The following PPP1R3G variants were observed in gnomAD, a reference collection of about 807,000 sequenced individuals.
The protein encoded by PPP1R3G is protein phosphatase 1, regulatory (inhibitor) subunit 3G.
Under a neutral mutation model 2.0 loss-of-function variants are expected in PPP1R3G, and 3 were observed. The ratio of observed to expected loss-of-function variants is 1.47; its 90% CI spans 0.67 to 3.81. The LOEUF (loss-of-function observed/expected upper bound fraction) is 3.81, where lower values mean the gene tolerates loss of function less well. Among genes scored for constraint, PPP1R3G ranks in the 30% most tolerant of loss-of-function variants. PPP1R3G has a pLI of 0.02. For missense variants in PPP1R3G, 595 were observed against 517.0 expected (o/e 1.15, Z -1.46); for synonymous variants, 267 against 250.9 (o/e 1.06, Z -0.61).
Position 5,085,676 on chromosome 6 carries a change from A to C in PPP1R3G, c.191A>C (p.Glu64Ala). 6.5e-7 allele frequency: 1 copy of C among 1,548,282 alleles called. No homozygotes were observed. The highest frequency in any genetic ancestry group is 8.7e-7 in the Non-Finnish European group (1 of 1,146,328). Reference sequence around the variant, plus strand: ...GATAGGCCCCTGTCCCCGAAGGAAGAGGCCGCCCCCCAGGAGCAGGAGGAG... The same window carrying C: ...GATAGGCCCCTGTCCCCGAAGGAAGCGGCCGCCCCCCAGGAGCAGGAGGAG... ...LGDRPLSPKE[E>A]AAPQEQEELL... is the part of the protein sequence containing the mutation. The change falls in exon 1 of 1, where the codon GAG becomes GCG. Residue 64 changes from glutamate to alanine, a missense_variant. By Grantham distance (107) the Glu-to-Ala change is moderately radical (BLOSUM62 -1). Transcript: ENST00000405617.
In PPP1R3G at chr6:5,089,098, T is replaced by A. The variant is rs942114331; in HGVS notation, c.*2536T>A. 1.3e-5 allele frequency: 2 copies of A among 152,232 alleles called. No homozygotes were observed. The highest frequency in any genetic ancestry group is 4.8e-5 in the African/African-American group (2 of 41,464). The allele number at this position is 152,232 out of a possible 1,614,324, so 9.4% of individuals were successfully genotyped here. A position where few individuals can be genotyped will look rare whatever the true frequency, so the allele number is the denominator to read the frequency against. ...TTATTGACAGCAAGCCATCAGGAGT[T>A]AACATATTACAATTTAGACTTTTAA... On this transcript the variant is annotated 3_prime_UTR_variant, in exon 1 of 1. Transcript: ENST00000405617.
chr6:5,086,567 G>T lies in PPP1R3G; in HGVS notation c.*5G>T. On this transcript the variant is annotated 3_prime_UTR_variant, in exon 1 of 1. Coordinates refer to ENST00000405617, the MANE Select transcript of PPP1R3G (RefSeq NM_001145115.3). ...CGCCCTGCGGACGCGCTCTGAGCCT[G>T]GAGAGTTTCGAAGAGCCGTGGGGCG... 6.6e-7 allele frequency: 1 copy of T among 1,504,138 alleles called. No homozygotes were observed. The highest frequency in any genetic ancestry group is 8.9e-7 in the Non-Finnish European group (1 of 1,127,820). The allele number at this position is 1,504,138 out of a possible 1,614,324, so 93.2% of individuals were successfully genotyped here. A position where few individuals can be genotyped will look rare whatever the true frequency, so the allele number is the denominator to read the frequency against.
At position 5,085,994 on chromosome 6, in the gene PPP1R3G, G is replaced by T; in HGVS notation, c.509G>T (p.Arg170Leu). Residue 170 changes from arginine to leucine, a missense_variant, in exon 1 of 1, where the codon CGT becomes CTT. Transcript: ENST00000405617. ...VLSRLRSFPM[R>L]AEDLEQLGGL... ...TCGCGCCTCCGAAGCTTCCCTATGC[G>T]TGCCGAGGACCTGGAGCAGCTCGGG... The T allele has an allele frequency of 6.6e-7, 1 of 1,525,108 alleles. No homozygotes were observed. Among genetic ancestry groups the T allele is most frequent in the Non-Finnish European group, 8.8e-7 (1 of 1,142,776 alleles). The allele number at this position is 1,525,108 out of a possible 1,614,324, so 94.5% of individuals were successfully genotyped here.
Position 5,088,511 on chromosome 6 carries a change from G to A in PPP1R3G, c.*1949G>A, listed in dbSNP as rs548846726. ...AATCAGGTTTTACTGGAACACAGCC[G>A]TGCACACTCATTTCTGTCTTCTCTG... On this transcript the variant is annotated 3_prime_UTR_variant, in exon 1 of 1. Transcript: ENST00000405617. 6.6e-6 allele frequency: 1 copy of A among 152,302 alleles called. No individual in the cohort carries two copies. Among genetic ancestry groups the A allele is most frequent in the East Asian group, 1.9e-4 (1 of 5,188 alleles). 9.4% of individuals were successfully genotyped at this position (152,302 alleles called of 1,614,324 possible). A position where few individuals can be genotyped will look rare whatever the true frequency, so the allele number is the denominator to read the frequency against.
chr6:5,085,467 T>A lies in PPP1R3G; in HGVS notation c.-19T>A, dbSNP rs1490037000. 1.3e-6 allele frequency: 2 copies of A among 1,519,764 alleles called. No individual in the cohort carries two copies. The highest frequency in any genetic ancestry group is 4.0e-5 in the Admixed American group (2 of 50,186). 94.1% of individuals were successfully genotyped at this position (1,519,764 alleles called of 1,614,324 possible). On this transcript the variant is annotated 5_prime_UTR_variant, in exon 1 of 1. Coordinates refer to ENST00000405617, the MANE Select transcript of PPP1R3G (RefSeq NM_001145115.3). ...AGGGGCCCGGTTCGGCCCGAGCAAG[T>A]CCAGGGGCGAACGGCGTCATGGAGC...
In PPP1R3G at chr6:5,086,894, C is replaced by G. The variant is rs1471880531; in HGVS notation, c.*332C>G. 1 of 360,916 alleles carries G rather than the reference C, an allele frequency of 2.8e-6. No individual in the cohort carries two copies. Among genetic ancestry groups the G allele is most frequent in the African/African-American group, 2.1e-5 (1 of 47,022 alleles). The allele number at this position is 360,916 out of a possible 1,614,324, so 22.4% of individuals were successfully genotyped here. On this transcript the variant is annotated 3_prime_UTR_variant, in exon 1 of 1. Coordinates refer to ENST00000405617, the MANE Select transcript of PPP1R3G (RefSeq NM_001145115.3). ...AGCAGCTGCCTCCAAGAAAAAGGCTCCCAACTCCCGGGCATGGTTCTAAGG... is the reference window on the plus strand; with the variant it reads ...AGCAGCTGCCTCCAAGAAAAAGGCTGCCAACTCCCGGGCATGGTTCTAAGG...
Position 5,086,124 on chromosome 6 carries a change from G to A in PPP1R3G, c.639G>A (p.Leu213=). 1 of 1,474,336 alleles carries A rather than the reference G, an allele frequency of 6.8e-7. No homozygotes were observed. Among genetic ancestry groups the A allele is most frequent in the Non-Finnish European group, 8.9e-7 (1 of 1,121,670 alleles). 91.3% of individuals were successfully genotyped at this position (1,474,336 alleles called of 1,614,324 possible). A position where few individuals can be genotyped will look rare whatever the true frequency, so the allele number is the denominator to read the frequency against. Residue 213 remains leucine, a synonymous_variant, in exon 1 of 1, where the codon CTG becomes CTA. Transcript: ENST00000405617. ...LPGPSAAAER[L]QRQRVCLERV... ...GGCCGAGCGCCGCGGCCGAGCGTCT[G>A]CAGCGGCAGCGCGTGTGCCTGGAGC...
chr6:5,086,181 G>A lies in PPP1R3G; in HGVS notation c.696G>A (p.Glu232=), dbSNP rs758396724. Residue 232 remains glutamate, a synonymous_variant, in exon 1 of 1, where the codon GAG becomes GAA. Transcript: ENST00000405617. ...RVQCSTASGA[E]VKGSGRVLSC... ...AGTGCTCGACGGCCTCGGGCGCTGA[G>A]GTGAAGGGCTCCGGCCGGGTGCTCA... is the stretch of plus-strand genomic sequence containing the variant. 16 of 1,533,270 alleles carry A rather than the reference G, an allele frequency of 1.0e-5. No homozygotes were observed. The East Asian group carries it at 2.7e-4, about 26-fold the overall frequency. The allele number at this position is 1,533,270 out of a possible 1,614,324, so 95.0% of individuals were successfully genotyped here. A position where few individuals can be genotyped will look rare whatever the true frequency, so the allele number is the denominator to read the frequency against.
chr6:5,088,037 AT>A lies in PPP1R3G; in HGVS notation c.*1477del, dbSNP rs1762089938. On this transcript the variant is annotated 3_prime_UTR_variant, in exon 1 of 1. Transcript: ENST00000405617. ...ATGGGCCAAATTTGGCACACAGCTTATTCTTGTAGGGCCTGTGACCTAAGAA... is the reference window on the plus strand; with the variant it reads ...ATGGGCCAAATTTGGCACACAGCTTATCTTGTAGGGCCTGTGACCTAAGAA... 6.6e-6 allele frequency: 1 copy of A among 152,148 alleles called. No homozygotes were observed. Among genetic ancestry groups the A allele is most frequent in the Admixed American group, 6.5e-5 (1 of 15,284 alleles). The allele number at this position is 152,148 out of a possible 1,614,324, so 9.4% of individuals were successfully genotyped here. A position where few individuals can be genotyped will look rare whatever the true frequency, so the allele number is the denominator to read the frequency against.
In PPP1R3G at chr6:5,085,622, A is replaced by C. The variant is rs1416560446; in HGVS notation, c.137A>C (p.Glu46Ala). 9.7e-6 allele frequency: 15 copies of C among 1,548,106 alleles called. No homozygotes were observed. The highest frequency in any genetic ancestry group is 1.2e-5 in the Non-Finnish European group (14 of 1,146,560). The change falls in exon 1 of 1, where the codon GAG (glutamate) becomes GCG (alanine). Residue 46 changes from glutamate to alanine, a missense_variant. Glu to Ala is a moderately radical substitution (Grantham distance 107, BLOSUM62 -1). Coordinates refer to ENST00000405617, the MANE Select transcript of PPP1R3G (RefSeq NM_001145115.3). Reference sequence around the variant, plus strand: ...GGCGGCGACGGCGGTGGCGCTTCGGAGACCCCGAGTCCTGACGCTCAGCTA... The same window carrying C: ...GGCGGCGACGGCGGTGGCGCTTCGGCGACCCCGAGTCCTGACGCTCAGCTA... ...QGGGDGGGASETPSPDAQLGD... is the reference protein window; with the variant it reads ...QGGGDGGGASATPSPDAQLGD...
rs1159446430 is a variant in PPP1R3G, at chr6:5,085,489, G to A, written c.4G>A (p.Glu2Lys). The change falls in exon 1 of 1, where the codon GAG (glutamate) becomes AAG (lysine). Residue 2 changes from glutamate (E) to lysine (K), a missense_variant. Glu to Lys is a moderately conservative substitution (Grantham distance 56, BLOSUM62 1). Coordinates refer to ENST00000405617, the MANE Select transcript of PPP1R3G (RefSeq NM_001145115.3). ...AAGTCCAGGGGCGAACGGCGTCATGGAGCCCATAGGGGCGCGGCTAAGTTT... is the reference window on the plus strand; with the variant it reads ...AAGTCCAGGGGCGAACGGCGTCATGAAGCCCATAGGGGCGCGGCTAAGTTT... M[E>K]PIGARLSLEA... is the part of the protein sequence containing the mutation. 2.0e-6 allele frequency: 3 copies of A among 1,533,876 alleles called. No homozygotes were observed. In the African/African-American group the frequency reaches 4.1e-5, roughly 21 times the overall value.
rs1030961398 is a variant in PPP1R3G, at chr6:5,086,054, T to A, written c.569T>A (p.Leu190His). ...LLAAAAVAAP[L>H]SAPPSRLRPL... Reference sequence around the variant, plus strand: ...GCCGCGGCGGCAGTGGCCGCGCCCCTTTCAGCGCCGCCTTCCCGGCTCCGG... The same window carrying A: ...GCCGCGGCGGCAGTGGCCGCGCCCCATTCAGCGCCGCCTTCCCGGCTCCGG... The change falls in exon 1 of 1, where the codon CTT becomes CAT. Residue 190 changes from leucine to histidine, a missense_variant. Leu to His is a moderately conservative substitution (Grantham distance 99, BLOSUM62 -3). Coordinates refer to ENST00000405617, the MANE Select transcript of PPP1R3G (RefSeq NM_001145115.3). 3.6e-5 allele frequency: 53 copies of A among 1,478,916 alleles called. No individual in the cohort carries two copies. The highest frequency in any genetic ancestry group is 1.6e-4 in the Admixed American group (7 of 42,778). 91.6% of individuals were successfully genotyped at this position (1,478,916 alleles called of 1,614,324 possible). A position where few individuals can be genotyped will look rare whatever the true frequency, so the allele number is the denominator to read the frequency against.
chr6:5,086,328 T>C lies in PPP1R3G; in HGVS notation c.843T>C (p.Ser281=). 6.5e-7 allele frequency: 1 copy of C among 1,535,728 alleles called. No homozygotes were observed. The highest frequency in any genetic ancestry group is 2.4e-5 in the East Asian group (1 of 40,894). Residue 281 remains serine, a synonymous_variant, in exon 1 of 1, where the codon TCT becomes TCC. Transcript: ENST00000405617. ...AGCCACAGCAGCCAGAGGCACCGTCTGGGGCCTCCGAGCCAGGGTCCGGGG... is the reference window on the plus strand; with the variant it reads ...AGCCACAGCAGCCAGAGGCACCGTCCGGGGCCTCCGAGCCAGGGTCCGGGG... ...PLEPQQPEAP[S]GASEPGSGDA... is the part of the protein sequence containing the mutation.
chr6:5,086,153 T>C lies in PPP1R3G; in HGVS notation c.668T>C (p.Val223Ala). 2 of 1,521,064 alleles carry C rather than the reference T, an allele frequency of 1.3e-6. No homozygotes were observed. Among genetic ancestry groups the C allele is most frequent in the South Asian group, 1.2e-5 (1 of 82,398 alleles). The allele number at this position is 1,521,064 out of a possible 1,614,324, so 94.2% of individuals were successfully genotyped here. Residue 223 changes from valine (V) to alanine (A), a missense_variant, in exon 1 of 1, where the codon GTG (valine) becomes GCG (alanine). Val to Ala is a moderately conservative substitution (Grantham distance 64). Coordinates refer to ENST00000405617, the MANE Select transcript of PPP1R3G (RefSeq NM_001145115.3). ...LQRQRVCLERVQCSTASGAEV... is the reference protein window; with the variant it reads ...LQRQRVCLERAQCSTASGAEV... ...CGGCAGCGCGTGTGCCTGGAGCGCG[T>C]GCAGTGCTCGACGGCCTCGGGCGCT... is the stretch of plus-strand genomic sequence containing the variant.
Position 5,085,753 on chromosome 6 carries a change from G to A in PPP1R3G, c.268G>A (p.Asp90Asn). Reference sequence around the variant, plus strand: ...CGCGCGCTCCTTTTCCTTGCCCGCCGACCCCATCTTGCAGGCGGCCAAGTT... The same window carrying A: ...CGCGCGCTCCTTTTCCTTGCCCGCCAACCCCATCTTGCAGGCGGCCAAGTT... The part of the protein sequence containing the change: ...CRARSFSLPA[D>N]PILQAAKFLQ... The change falls in exon 1 of 1, where the codon GAC (aspartate) becomes AAC (asparagine). Residue 90 changes from aspartate to asparagine, a missense_variant. By Grantham distance (23) the Asp-to-Asn change is conservative. Coordinates refer to ENST00000405617, the MANE Select transcript of PPP1R3G (RefSeq NM_001145115.3). 13 of 1,537,830 alleles carry A rather than the reference G, an allele frequency of 8.5e-6. No homozygotes were observed. Among genetic ancestry groups the A allele is most frequent in the Non-Finnish European group, 1.1e-5 (13 of 1,142,452 alleles).
At position 5,088,721 on chromosome 6, in the gene PPP1R3G, C is replaced by G. The variant is rs1470396700; in HGVS notation, c.*2159C>G. 6.6e-6 allele frequency: 1 copy of G among 152,180 alleles called. No homozygotes were observed. The highest frequency in any genetic ancestry group is 1.5e-5 in the Non-Finnish European group (1 of 68,040). 9.4% of individuals were successfully genotyped at this position (152,180 alleles called of 1,614,324 possible). A position where few individuals can be genotyped will look rare whatever the true frequency, so the allele number is the denominator to read the frequency against. The stretch of plus-strand genomic sequence containing the variant: ...AATAAAGCATTTAGACTTTAGTGAG[C>G]TTTTGCCACTTGAAATAAACCCCCT... On this transcript the variant is annotated 3_prime_UTR_variant, in exon 1 of 1. Transcript: ENST00000405617.
At position 5,086,553 on chromosome 6, in the gene PPP1R3G, C is replaced by A; in HGVS notation, c.1068C>A (p.Asp356Glu). The A allele has an allele frequency of 6.6e-7, 1 of 1,523,128 alleles. No individual in the cohort carries two copies. The highest frequency in any genetic ancestry group is 8.8e-7 in the Non-Finnish European group (1 of 1,137,152). 94.4% of individuals were successfully genotyped at this position (1,523,128 alleles called of 1,614,324 possible). ...NYTLRYARPA[D>E]AL Reference sequence around the variant, plus strand: ...CGCTGCGCTACGCGCGCCCTGCGGACGCGCTCTGAGCCTGGAGAGTTTCGA... The same window carrying A: ...CGCTGCGCTACGCGCGCCCTGCGGAAGCGCTCTGAGCCTGGAGAGTTTCGA... Residue 356 changes from aspartate to glutamate, a missense_variant, in exon 1 of 1, where the codon GAC becomes GAA. Coordinates refer to ENST00000405617, the MANE Select transcript of PPP1R3G (RefSeq NM_001145115.3).
chr6:5,086,720 G>A lies in PPP1R3G; in HGVS notation c.*158G>A. 1 of 638,072 alleles carries A rather than the reference G, an allele frequency of 1.6e-6. No individual in the cohort carries two copies. The highest frequency in any genetic ancestry group is 2.7e-6 in the Non-Finnish European group (1 of 373,160). 39.5% of individuals were successfully genotyped at this position (638,072 alleles called of 1,614,324 possible). A position where few individuals can be genotyped will look rare whatever the true frequency, so the allele number is the denominator to read the frequency against. ...GAGGGAGACTTTGAACCGTCGACTC[G>A]CACCCCCGCAGACAAGTGAGCGAGC... On this transcript the variant is annotated 3_prime_UTR_variant, in exon 1 of 1. Transcript: ENST00000405617.
At position 5,087,009 on chromosome 6, in the gene PPP1R3G, C is replaced by G. The variant is rs565731286; in HGVS notation, c.*447C>G. The G allele has an allele frequency of 1.2e-5, 2 of 161,692 alleles. No homozygotes were observed. Among genetic ancestry groups the G allele is most frequent in the Non-Finnish European group, 1.3e-5 (1 of 74,484 alleles). The allele number at this position is 161,692 out of a possible 1,614,324, so 10.0% of individuals were successfully genotyped here. ...AGGGAAAGAACAAAGCGTCCTGCCA[C>G]GGTGCACCAGAGGAAGGTGCCACGG... On this transcript the variant is annotated 3_prime_UTR_variant, in exon 1 of 1. Coordinates refer to ENST00000405617, the MANE Select transcript of PPP1R3G (RefSeq NM_001145115.3).
Sources: allele counts gnomAD v4.1 joint callset, GRCh38; gene constraint gnomAD v4.1.1; transcripts MANE v1.5; gene names NCBI Gene and HGNC (gene_info 2026-07-23, HGNC 2026-07-21).